NGF: variants seen among roughly 807,000 people sequenced by gnomAD.
The protein encoded by NGF is beta-nerve growth factor.
Under a neutral mutation model 12.8 loss-of-function variants are expected in NGF, and 4 were observed. That is an observed-to-expected ratio of 0.31 (90% CI 0.15 to 0.72). NGF has a LOEUF of 0.72. Ranked by LOEUF, NGF falls within the 30% of genes least tolerant of loss-of-function variation. The pLI is 0.69. For synonymous variants in NGF, 140 were observed against 130.0 expected, an observed-to-expected ratio of 1.08 and a Z score of -0.52; for missense variants, 283 against 330.8, an observed-to-expected ratio of 0.86 and a Z score of 1.12.
chr1:115,333,695 TTC>T (rs1264551477), intron 1 of NGF, among the ~76,000 whole-genome samples: 1 of 94,174 alleles, frequency 1.1e-5, no homozygotes, highest in Non-Finnish European at 1.9e-5. Context: ...CTTTCTTTCT[TTC>T]TTTCTTTCTT....
intron 1 of NGF, among the ~76,000 whole-genome samples, chr1:115,315,826 T>G (rs1654464427): frequency 6.6e-6 from 1 of 152,154 alleles, no homozygotes; most frequent in South Asian, 2.1e-4. Flanking sequence ...TGACTCTCAT[T>G]GTACTGTCGA....
chr1:115,326,225 G>T (rs1654773047), intron 1 of NGF, among the ~76,000 whole-genome samples: 1 of 152,130 alleles, frequency 6.6e-6, no homozygotes, highest in African/African-American at 2.4e-5. Flanking sequence ...ATTAGGAGAA[G>T]AGACAGGGAC....
chr1:115,332,707 A>G (rs1654955114), intron 1 of NGF, among the ~76,000 whole-genome samples: 2 of 152,276 alleles, frequency 1.3e-5, no homozygotes, highest in South Asian at 2.1e-4. Context: ...TCTTTGTCTT[A>G]CAGATGAGAA....
intron 1 of NGF, among the ~76,000 whole-genome samples, chr1:115,322,028 AT>A (rs1259215408): frequency 1.3e-5 from 2 of 151,956 alleles, no homozygotes; most frequent in African/African-American, 4.8e-5. Context: ...ATGTTTCTCC[AT>A]TTTTCTGTTT....
chr1:115,306,921 T>C (rs538328821), intron 1 of NGF, among the ~76,000 whole-genome samples: 1 of 152,332 alleles, frequency 6.6e-6, no homozygotes, highest in African/African-American at 2.4e-5. Flanking sequence ...CACTGGGCAC[T>C]ATGGGGTATC....
intron 1 of NGF, among the ~76,000 whole-genome samples, chr1:115,294,735 A>G: frequency 6.6e-6 from 1 of 152,230 alleles, no homozygotes; most frequent in East Asian, 1.9e-4. Context: ...GGGAGAGAAC[A>G]TTCTAGGCAG....
rs201087374 is a variant in NGF, at chr1:115,286,605, G to A, written c.191C>T (p.Ala64Val). ...APAAAIAARV[A>V]GQTRNITVDP... ...CACAGTAATGTTGCGGGTCTGCCCCGCCACGCGTGCAGCTATCGCCGCTGC... is the reference window on the plus strand; with the variant it reads ...CACAGTAATGTTGCGGGTCTGCCCCACCACGCGTGCAGCTATCGCCGCTGC... The change falls in exon 3 of 3, where the codon GCG becomes GTG. Residue 64 changes from alanine to valine, a missense_variant. By Grantham distance (64) the Ala-to-Val change is moderately conservative (BLOSUM62 0). Transcript: ENST00000369512. 122 of 1,614,180 alleles carry A rather than the reference G, an allele frequency of 7.6e-5. No individual in the cohort carries two copies. The highest frequency in any genetic ancestry group is 5.0e-4 in the Middle Eastern group (3 of 6,060).
chr1:115,328,801 G>C (rs1654837365), intron 1 of NGF, among the ~76,000 whole-genome samples: 1 of 152,184 alleles, frequency 6.6e-6, no homozygotes, highest in Non-Finnish European at 1.5e-5. Flanking sequence ...ACAGGGAGGA[G>C]GATGTCTTGT....
chr1:115,316,197 G>A (rs1654472577), intron 1 of NGF, among the ~76,000 whole-genome samples: 2 of 152,148 alleles, frequency 1.3e-5, no homozygotes, highest in Non-Finnish European at 2.9e-5. Flanking sequence ...ACCCATTTGG[G>A]CTCAATCTCA....
At chr1:115,317,282 T>G (rs1343799003) in intron 1 of NGF, among the ~76,000 whole-genome samples, 1 of 152,124 alleles carries the variant, frequency 6.6e-6, no homozygotes, top group African/African-American at 2.4e-5. Context: ...TACAGCACAT[T>G]AGCAGGCAGG....
intron 1 of NGF, among the ~76,000 whole-genome samples, chr1:115,329,122 GA>G (rs1654845332): frequency 6.6e-6 from 1 of 151,850 alleles, no homozygotes; most frequent in Non-Finnish European, 1.5e-5. Flanking sequence ...AGAGGAGGAG[GA>G]AGAAGAAGAG....
chr1:115,309,108 A>G (rs1336362105), intron 1 of NGF, among the ~76,000 whole-genome samples: 3 of 152,182 alleles, frequency 2.0e-5, no homozygotes, highest in Non-Finnish European at 4.4e-5. Context: ...CTGCTGGGAT[A>G]CCTGAAGCAA....
At chr1:115,287,473 T>A (rs1162740108) in intron 2 of NGF, among the ~76,000 whole-genome samples, 1 of 152,206 alleles carries the variant, frequency 6.6e-6, no homozygotes, top group Non-Finnish European at 1.5e-5. Flanking sequence ...CATATATAAA[T>A]GTGGACCACA....
At chr1:115,326,509 A>G (rs1210819218) in intron 1 of NGF, among the ~76,000 whole-genome samples, 1 of 152,198 alleles carries the variant, frequency 6.6e-6, no homozygotes, top group Non-Finnish European at 1.5e-5. Context: ...ATGCACTTTA[A>G]GCACGACTCC....
rs77393380 is a variant in NGF at position 115,310,170 on chromosome 1, T to A, written c.-136-16420A>T. Among the ~76,000 whole-genome samples the A allele has an allele frequency of 5.9e-5, 9 of 152,304 alleles. No individual in the cohort carries two copies. In the East Asian group the frequency reaches 1.7e-3, roughly 29 times the overall value. On this transcript the variant is annotated intron_variant, in intron 1 of 2. Transcript: ENST00000369512. ...CAAAAGAGATTAAGGAGAATACGCA[T>A]GAAATTGTTGCAGCCAAGGGAAATC...
rs1488371775 is a variant in NGF at position 115,333,835 on chromosome 1, CTCTT to C, written c.-137+4365_-137+4368del. On this transcript the variant is annotated intron_variant, in intron 1 of 2. Coordinates refer to ENST00000369512, the MANE Select transcript of NGF (RefSeq NM_002506.3). ...TTTTCTTTCTTTCTCTCTTCTCTCT[CTCTT>C]TCTTTTCTTTTCTTTCTTTTTTTTC... Among the ~76,000 whole-genome samples, 288 of 147,332 alleles carry C rather than the reference CTCTT, an allele frequency of 2.0e-3. 2 individuals are homozygous for C. The highest frequency in any genetic ancestry group is 6.9e-3 in the African/African-American group (273 of 39,790).
chr1:115,319,434 C>G (rs549546935), intron 1 of NGF, among the ~76,000 whole-genome samples: 1 of 152,274 alleles, frequency 6.6e-6, no homozygotes, highest in East Asian at 1.9e-4. Context: ...TACTCATGTA[C>G]ACACCTGTAC....
chr1:115,290,022 C>T (rs1287834326), intron 2 of NGF, among the ~76,000 whole-genome samples: 2 of 152,170 alleles, frequency 1.3e-5, no homozygotes, highest in Non-Finnish European at 2.9e-5. Context: ...CCCTGGCCAC[C>T]CCATTTAGCT....
intron 1 of NGF, among the ~76,000 whole-genome samples, chr1:115,337,261 GTTTTTGTTTTTTTTTTTT>G (rs1655140814): frequency 4.3e-4 from 5 of 11,756 alleles, no homozygotes; most frequent in African/African-American, 9.1e-4. Flanking sequence ...TTTTTGTTTT[GTTTTTGTTTTTTTTTTTT>G]TTTTTTTTTT....
Sources: gnomAD v4.1 joint callset for allele counts (sites outside exome capture counted in the v4.1 genomes callset) on GRCh38, gnomAD v4.1.1 for gene constraint, MANE v1.5 for transcripts, NCBI Gene and HGNC (gene_info 2026-07-23, HGNC 2026-07-21) for gene names.